Variants in DPP10 observed in about 807,000 individuals in gnomAD.
DPP10 encodes the protein inactive dipeptidyl peptidase 10.
In DPP10, 33 loss-of-function variants were observed where a neutral mutation model predicts 120.9. That is an observed-to-expected ratio of 0.27 (90% CI 0.21 to 0.37). The LOEUF is 0.37. Among genes scored for constraint, DPP10 ranks in the 10% least tolerant of loss-of-function variants. The pLI, the probability that DPP10 is intolerant of heterozygous loss-of-function variation, is 1.00. For synonymous variants in DPP10, 337 were observed against 326.1 expected (o/e 1.03, Z -0.36); for missense variants, 816 against 942.8 (o/e 0.87, Z 1.76).
At chr2:115,297,297 AAAGT>A (rs1002193620) in intron 1 of DPP10, 4 of 397,624 alleles carry the variant, frequency 1.0e-5, no homozygotes, top group Non-Finnish European at 2.1e-5. Context: ...TTAAATCATA[AAAGT>A]AATTATTAAT....
chr2:115,210,398 A>G (rs947948963), intron 1 of DPP10, among the ~76,000 whole-genome samples: 4 of 152,054 alleles, frequency 2.6e-5, no homozygotes, highest in Non-Finnish European at 5.9e-5. Context: ...TATGTGCCAC[A>G]TTTTCTTTAT....
intron 5 of DPP10, among the ~76,000 whole-genome samples, chr2:115,590,884 A>G (rs1257531224): frequency 3.3e-5 from 5 of 152,066 alleles, no homozygotes; most frequent in Non-Finnish European, 1.5e-5. Flanking sequence ...ATGGTATCTC[A>G]TTGTGGTTTT....
chr2:114,666,159 C>T (rs1697906563), intron 1 of DPP10, among the ~76,000 whole-genome samples: 1 of 152,020 alleles, frequency 6.6e-6, no homozygotes, highest in Non-Finnish European at 1.5e-5. Context: ...TATCTTACTC[C>T]CTATTCCTAA....
In DPP10 at chr2:115,569,640, G is replaced by A. The variant is rs559348992; in HGVS notation, c.441+43668G>A. 3.3e-5 allele frequency among the ~76,000 whole-genome samples: 5 copies of A among 152,202 alleles called. No individual in the cohort carries two copies. The South Asian group carries it at 1.0e-3, about 32-fold the overall frequency. ...TGATCCAAACTGAAATGATCACTGG[G>A]GAAGTACATTTTCACCTGATAACCT... On this transcript the variant is annotated intron_variant, in intron 5 of 25. Transcript: ENST00000410059.
chr2:114,504,632 A>T (rs1573512951), intron 1 of DPP10, among the ~76,000 whole-genome samples: 1 of 151,844 alleles, frequency 6.6e-6, no homozygotes, highest in South Asian at 2.1e-4. Context: ...ATTCATTGAG[A>T]CTCCACAATA....
rs1033638669 is a variant in DPP10, at chr2:115,750,177, G to A, written c.951-2997G>A. 1.1e-5 allele frequency: 11 copies of A among 985,128 alleles called. No homozygotes were observed. In the African/African-American group the frequency reaches 1.4e-4, roughly 13 times the overall value. The allele number at this position is 985,128 out of a possible 1,614,324, so 61.0% of individuals were successfully genotyped here. A position where few individuals can be genotyped will look rare whatever the true frequency, so the allele number is the denominator to read the frequency against. The stretch of plus-strand genomic sequence containing the variant: ...CTACATCTGCAGCAGGCAGGCCAAC[G>A]AGTGTGACATTTCCAGGTAAGGGTG... On this transcript the variant is annotated intron_variant, in intron 10 of 25. Coordinates refer to ENST00000410059, the MANE Select transcript of DPP10 (RefSeq NM_020868.6).
At chr2:115,071,767 G>A (rs957290347) in intron 1 of DPP10, among the ~76,000 whole-genome samples, 1 of 152,138 alleles carries the variant, frequency 6.6e-6, no homozygotes, top group Admixed American at 6.5e-5. Flanking sequence ...TGGCAGGGAA[G>A]CGATGTTCAC....
chr2:115,087,519 C>CTTTCT (rs1195059280), intron 1 of DPP10, among the ~76,000 whole-genome samples: 19 of 130,708 alleles, frequency 1.5e-4, no homozygotes, highest in Non-Finnish European at 2.5e-4. Context: ...CTTTTTCTTT[C>CTTTCT]TTTCTTTTCT....
chr2:115,333,491 G>A lies in DPP10; in HGVS notation c.176-10326G>A, dbSNP rs550192777. Among the ~76,000 whole-genome samples, 26 of 152,146 alleles carry A rather than the reference G, an allele frequency of 1.7e-4. No individual in the cohort carries two copies. The East Asian group carries it at 2.5e-3, about 15-fold the overall frequency. ...ATGATGTTAGCTGGTTATTTTGCTC[G>A]TTAGTTGATGCAGTGTCTTCCTAGC... On this transcript the variant is annotated intron_variant, in intron 2 of 25. Transcript: ENST00000410059.
At chr2:115,203,168 A>G (rs1420261554) in intron 1 of DPP10, among the ~76,000 whole-genome samples, 7 of 152,212 alleles carry the variant, frequency 4.6e-5, no homozygotes, top group South Asian at 2.1e-4. Context: ...CTGAAAAATG[A>G]CAAGAATTCA....
chr2:114,914,896 C>T (rs1217317902), intron 1 of DPP10, among the ~76,000 whole-genome samples: 3 of 152,138 alleles, frequency 2.0e-5, no homozygotes, highest in African/African-American at 7.2e-5. Flanking sequence ...CTTTGGGAGG[C>T]CGAGGCGGGC....
Position 114,500,863 on chromosome 2 carries a change from G to A in DPP10, c.60+58025G>A, listed in dbSNP as rs115261882. ...ATCAAGGCAGGAGTCCGTCTGGTGC[G>A]TGGGGTTCTCCATGGGAGACTGTCA... On this transcript the variant is annotated intron_variant, in intron 1 of 25. Coordinates refer to ENST00000410059, the MANE Select transcript of DPP10 (RefSeq NM_020868.6). Among the ~76,000 whole-genome samples, 1,402 of 152,252 alleles carry A rather than the reference G, an allele frequency of 9.2e-3. 17 individuals are homozygous for A. The highest frequency in any genetic ancestry group is 0.032 in the African/African-American group (1,314 of 41,538).
intron 1 of DPP10, among the ~76,000 whole-genome samples, chr2:114,471,577 TTTGA>T (rs1424465069): frequency 1.3e-5 from 2 of 152,172 alleles, no homozygotes; most frequent in African/African-American, 4.8e-5. Context: ...TCATTTCAAG[TTTGA>T]TTGTTGATAA....
Position 114,460,630 on chromosome 2 carries a change from T to C in DPP10, c.60+17792T>C, listed in dbSNP as rs540562139. Among the ~76,000 whole-genome samples the C allele has an allele frequency of 3.9e-5, 6 of 152,334 alleles. No homozygotes were observed. In the South Asian group the frequency reaches 1.2e-3, roughly 32 times the overall value. On this transcript the variant is annotated intron_variant, in intron 1 of 25. Coordinates refer to ENST00000410059, the MANE Select transcript of DPP10 (RefSeq NM_020868.6). ...AATATAGAATACTGTGTGTTACTTT[T>C]ATTTATTCATTATAGGACTATTTTC...
chr2:115,644,962 T>G (rs1334740514), intron 5 of DPP10, among the ~76,000 whole-genome samples: 1 of 152,130 alleles, frequency 6.6e-6, no homozygotes, highest in East Asian at 1.9e-4. Flanking sequence ...CTATGTTTAT[T>G]TGCAATATGA....
intron 5 of DPP10, among the ~76,000 whole-genome samples, chr2:115,634,225 G>A (rs2086135022): frequency 6.6e-6 from 1 of 152,094 alleles, no homozygotes; most frequent in Non-Finnish European, 1.5e-5. Flanking sequence ...CTCAGCCTCT[G>A]CCTAGTTCTG....
chr2:114,836,724 C>T (rs1687771031), intron 1 of DPP10, among the ~76,000 whole-genome samples: 1 of 152,098 alleles, frequency 6.6e-6, no homozygotes, highest in Non-Finnish European at 1.5e-5. Flanking sequence ...ATTTCCTCGT[C>T]CTAATAAACC....
At chr2:115,372,284 T>C (rs1301935334) in intron 3 of DPP10, among the ~76,000 whole-genome samples, 2 of 152,166 alleles carry the variant, frequency 1.3e-5, no homozygotes, top group Non-Finnish European at 2.9e-5. Flanking sequence ...GGTTTAAAGA[T>C]ATGAACAAGT....
At chr2:115,143,917 A>G (rs1193373164) in intron 1 of DPP10, 5 of 129,358 alleles carry the variant, frequency 3.9e-5, no homozygotes, top group Non-Finnish European at 1.9e-5. Flanking sequence ...TCAGAAGAAT[A>G]GTATTTTTTT....
Sources: gnomAD v4.1 joint callset for allele counts (sites outside exome capture counted in the v4.1 genomes callset) on GRCh38, gnomAD v4.1.1 for gene constraint, MANE v1.5 for transcripts, NCBI Gene and HGNC (gene_info 2026-07-23, HGNC 2026-07-21) for gene names.